CFAP77: variants seen among roughly 807,000 people sequenced by gnomAD.
The protein encoded by CFAP77 is cilia and flagella associated protein 77.
A neutral mutation model predicts 31.1 loss-of-function variants in CFAP77; 25 were observed. The ratio of observed to expected loss-of-function variants is 0.80; its 90% CI spans 0.59 to 1.12. CFAP77 has a LOEUF of 1.12. Among genes scored for constraint, CFAP77 ranks in the 50% most tolerant of loss-of-function variants. The pLI, the probability that CFAP77 is intolerant of heterozygous loss-of-function variation, is 0.00. For missense variants in CFAP77, 377 were observed against 397.3 expected (o/e 0.95, Z 0.44); for synonymous variants, 151 against 159.9 (o/e 0.94, Z 0.42).
intron 3 of CFAP77, among the ~76,000 whole-genome samples, chr9:132,523,612 G>C (rs1222759522): frequency 6.6e-6 from 1 of 152,182 alleles, no homozygotes; most frequent in Non-Finnish European, 1.5e-5. Context: ...GCACAGGGGG[G>C]TCCGAGAACA....
At chr9:132,443,794 A>G (rs1850660271) in intron 1 of CFAP77, among the ~76,000 whole-genome samples, 2 of 152,248 alleles carry the variant, frequency 1.3e-5, no homozygotes, top group Non-Finnish European at 2.9e-5. Context: ...ATAGGATTCC[A>G]GATTACATGC....
chr9:132,438,541 A>ATATT, intron 1 of CFAP77, among the ~76,000 whole-genome samples: 8 of 108,154 alleles, frequency 7.4e-5, no homozygotes, highest in Non-Finnish European at 1.3e-4. Flanking sequence ...ATATATATAT[A>ATATT]TTTTTTTTTT....
chr9:132,556,670 C>T (rs1368109918), intron 5 of CFAP77, among the ~76,000 whole-genome samples: 1 of 152,178 alleles, frequency 6.6e-6, no homozygotes, highest in Non-Finnish European at 1.5e-5. Flanking sequence ...CCGCGGTGCA[C>T]CGCCTCCAAT....
chr9:132,534,652 TTTGA>T lies in CFAP77; in HGVS notation c.525-2946_525-2943del, dbSNP rs566346809. 5.0e-3 allele frequency among the ~76,000 whole-genome samples: 762 copies of T among 151,810 alleles called. 5 individuals carry two copies. The highest frequency in any genetic ancestry group is 0.014 in the Middle Eastern group (4 of 294). The stretch of plus-strand genomic sequence containing the variant: ...AAAAAGAACTTTCCCTTATCGCCTA[TTTGA>T]TTACCCCAGGATGCAGTTTGTACTA... On this transcript the variant is annotated intron_variant, in intron 3 of 5. Transcript: ENST00000393216.
intron 1 of CFAP77, among the ~76,000 whole-genome samples, chr9:132,471,128 C>T: frequency 6.6e-6 from 1 of 152,132 alleles, no homozygotes; most frequent in East Asian, 1.9e-4. Flanking sequence ...GAGTTGGCCT[C>T]ACATGCAAGG....
chr9:132,526,491 C>T (rs1852366010), intron 3 of CFAP77, among the ~76,000 whole-genome samples: 1 of 151,944 alleles, frequency 6.6e-6, no homozygotes, highest in African/African-American at 2.4e-5. Flanking sequence ...CTCGGCCTCC[C>T]AAAATGCTGG....
At chr9:132,493,141 T>G (rs974884233) in intron 1 of CFAP77, among the ~76,000 whole-genome samples, 2 of 152,118 alleles carry the variant, frequency 1.3e-5, no homozygotes, top group African/African-American at 4.8e-5. Context: ...TGTGATGTAG[T>G]GTAGCCTGCC....
chr9:132,487,675 T>A lies in CFAP77; in HGVS notation c.196-11020T>A, dbSNP rs557665437. On this transcript the variant is annotated intron_variant, in intron 1 of 5. Coordinates refer to ENST00000393216, the MANE Select transcript of CFAP77 (RefSeq NM_001282957.2). ...TTTTTTTTTTCACTTGACATTACTTTATACGCCTTTGATCACACATGGATG... is the reference window on the plus strand; with the variant it reads ...TTTTTTTTTTCACTTGACATTACTTAATACGCCTTTGATCACACATGGATG... 4.6e-5 allele frequency among the ~76,000 whole-genome samples: 7 copies of A among 151,776 alleles called. 1 individual carries two copies. In the South Asian group the frequency reaches 1.5e-3, roughly 32 times the overall value.
chr9:132,543,730 C>T (rs184875817), intron 5 of CFAP77, among the ~76,000 whole-genome samples: 68 of 152,312 alleles, frequency 4.5e-4, no homozygotes, highest in Middle Eastern at 3.4e-3. Context: ...GACACGTACC[C>T]AGACTGACCT....
At chr9:132,529,549 G>T (rs1212601633) in intron 3 of CFAP77, among the ~76,000 whole-genome samples, 1 of 146,600 alleles carries the variant, frequency 6.8e-6, no homozygotes, top group African/African-American at 2.6e-5. Context: ...ATACTTGGCC[G>T]GGCACGGTGG....
chr9:132,532,553 T>C (rs1852471813), intron 3 of CFAP77, among the ~76,000 whole-genome samples: 1 of 152,194 alleles, frequency 6.6e-6, no homozygotes, highest in Non-Finnish European at 1.5e-5. Context: ...TTGACAATGA[T>C]TTCAAAGTTT....
chr9:132,415,921 CA>C (rs1324523836), intron 1 of CFAP77, among the ~76,000 whole-genome samples: 1 of 152,144 alleles, frequency 6.6e-6, no homozygotes. Context: ...ATAAAAACAT[CA>C]AGATAATTAA....
intron 3 of CFAP77, among the ~76,000 whole-genome samples, chr9:132,529,696 G>GT (rs1343597730): frequency 6.6e-6 from 1 of 151,462 alleles, no homozygotes; most frequent in Admixed American, 6.6e-5. Context: ...CGTGGTGGCA[G>GT]GCACCTGTAA....
At chr9:132,537,322 C>T (rs561901223) in intron 3 of CFAP77, among the ~76,000 whole-genome samples, 2 of 152,154 alleles carry the variant, frequency 1.3e-5, no homozygotes, top group African/African-American at 2.4e-5. Context: ...CAAGGAAGGG[C>T]CCAGGGATGA....
intron 1 of CFAP77, among the ~76,000 whole-genome samples, chr9:132,466,132 G>C (rs1851147398): frequency 6.6e-6 from 1 of 152,144 alleles, no homozygotes; most frequent in African/African-American, 2.4e-5. Flanking sequence ...TGTTGCCCAG[G>C]CTGGGGTGCA....
chr9:132,498,854 C>T lies in CFAP77; in HGVS notation c.295+60C>T. On this transcript the variant is annotated intron_variant, in intron 2 of 5. Transcript: ENST00000393216. The surrounding 1 kb of genome is among the most constrained non-coding windows in gnomAD (Gnocchi z 4.2). ...AGTGGGAGGGAGGCTCACCCCTCTTCACAGACCCCTTGACCTAGCTCGCTG... is the reference window on the plus strand; with the variant it reads ...AGTGGGAGGGAGGCTCACCCCTCTTTACAGACCCCTTGACCTAGCTCGCTG... 2.4e-6 allele frequency: 3 copies of T among 1,243,310 alleles called. No individual in the cohort carries two copies. The highest frequency in any genetic ancestry group is 2.2e-4 in the Middle Eastern group (1 of 4,612). The allele number at this position is 1,243,310 out of a possible 1,614,324, so 77.0% of individuals were successfully genotyped here.
At chr9:132,436,957 T>A (rs182098306) in intron 1 of CFAP77, among the ~76,000 whole-genome samples, 263 of 152,286 alleles carry the variant, frequency 1.7e-3, no homozygotes, top group African/African-American at 5.7e-3. Context: ...GGGCTGGATT[T>A]TCCCCCCACC....
At chr9:132,434,979 A>G (rs1286530644) in intron 1 of CFAP77, among the ~76,000 whole-genome samples, 7 of 152,244 alleles carry the variant, frequency 4.6e-5, no homozygotes, top group Non-Finnish European at 1.0e-4. Flanking sequence ...GAGCTGTTTG[A>G]TAAATCCCAA....
chr9:132,475,521 C>T (rs977175505), intron 1 of CFAP77, among the ~76,000 whole-genome samples: 4 of 152,126 alleles, frequency 2.6e-5, no homozygotes, highest in Admixed American at 2.6e-4. Context: ...GAATTGCCTT[C>T]GTTTTTGCCA....
Sources: gnomAD v4.1 joint callset for allele counts (sites outside exome capture counted in the v4.1 genomes callset) on GRCh38, gnomAD v4.1.1 for gene constraint, Gnocchi (gnomAD v3.1) non-coding constraint, MANE v1.5 for transcripts, NCBI Gene and HGNC (gene_info 2026-07-23, HGNC 2026-07-21) for gene names.